KCTD16: variants seen among roughly 807,000 people sequenced by gnomAD.
KCTD16 encodes the protein BTB/POZ domain-containing protein KCTD16.
Under a neutral mutation model 33.2 loss-of-function variants are expected in KCTD16, and 13 were observed. The ratio of observed to expected loss-of-function variants is 0.39; its 90% CI spans 0.25 to 0.62. The LOEUF (loss-of-function observed/expected upper bound fraction) is 0.62. Ranked by LOEUF, KCTD16 falls within the 20% of genes least tolerant of loss-of-function variation. The pLI is 0.50. For missense variants in KCTD16, 441 were observed against 525.1 expected (o/e 0.84, Z 1.57); for synonymous variants, 197 against 195.3 (o/e 1.01, Z -0.07).
chr5:144,372,361 G>T (rs1751987769), intron 3 of KCTD16, among the ~76,000 whole-genome samples: 1 of 152,074 alleles, frequency 6.6e-6, no homozygotes, highest in Non-Finnish European at 1.5e-5. Context: ...AATTCATTTA[G>T]CAACAACTTA....
chr5:144,302,756 A>C (rs964611634), intron 3 of KCTD16, among the ~76,000 whole-genome samples: 1 of 152,244 alleles, frequency 6.6e-6, no homozygotes, highest in Non-Finnish European at 1.5e-5. Context: ...TCTAGTGTAT[A>C]GAATGTTTTC....
intron 3 of KCTD16, among the ~76,000 whole-genome samples, chr5:144,448,630 C>T (rs1198010431): frequency 1.3e-5 from 2 of 152,058 alleles, no homozygotes; most frequent in Non-Finnish European, 2.9e-5. Context: ...ATTAAAACAG[C>T]ATTAGAGACA....
At chr5:144,425,633 T>C (rs982891473) in intron 3 of KCTD16, among the ~76,000 whole-genome samples, 2 of 152,030 alleles carry the variant, frequency 1.3e-5, no homozygotes, top group Non-Finnish European at 2.9e-5. Flanking sequence ...ACCACATGGA[T>C]GTTGCCAAGA....
At chr5:144,284,556 A>G (rs1300799471) in intron 3 of KCTD16, among the ~76,000 whole-genome samples, 4 of 152,224 alleles carry the variant, frequency 2.6e-5, no homozygotes, top group South Asian at 2.1e-4. Flanking sequence ...TAGCACTGAC[A>G]TGTATAGTAA....
At chr5:144,439,210 C>T (rs946149930) in intron 3 of KCTD16, 2 of 199,528 alleles carry the variant, frequency 1.0e-5, no homozygotes, top group Non-Finnish European at 2.1e-5. Flanking sequence ...GCGATCATAT[C>T]GCATAAATAA....
chr5:144,425,427 A>G (rs116687382), intron 3 of KCTD16, among the ~76,000 whole-genome samples: 1 of 151,822 alleles, frequency 6.6e-6, no homozygotes, highest in African/African-American at 2.4e-5. Context: ...ACACTGGTGG[A>G]CCTAGAGTAC....
chr5:144,297,091 A>C lies in KCTD16; in HGVS notation c.832+89545A>C, dbSNP rs184421465. ...TAATAGGAATGGAAATGAGATTATAAGAGCCAATCTGGAAGATGCTATTAG... is the reference window on the plus strand; with the variant it reads ...TAATAGGAATGGAAATGAGATTATACGAGCCAATCTGGAAGATGCTATTAG... On this transcript the variant is annotated intron_variant, in intron 3 of 3. Coordinates refer to ENST00000512467, the MANE Select transcript of KCTD16 (RefSeq NM_020768.4). 4.4e-3 allele frequency among the ~76,000 whole-genome samples: 667 copies of C among 152,364 alleles called. 27 individuals are homozygous for C. Among genetic ancestry groups the C allele is most frequent in the Admixed American group, 0.04 (615 of 15,308 alleles).
chr5:144,357,375 A>C (rs537615489), intron 3 of KCTD16, among the ~76,000 whole-genome samples: 1 of 152,224 alleles, frequency 6.6e-6, no homozygotes, highest in East Asian at 1.9e-4. Context: ...ATTCCTGCTC[A>C]TCTGGGTGTT....
chr5:144,448,939 T>C (rs567399591), intron 3 of KCTD16, among the ~76,000 whole-genome samples: 1 of 152,166 alleles, frequency 6.6e-6, no homozygotes, highest in South Asian at 2.1e-4. Flanking sequence ...AATGACATCA[T>C]AGATTCATCT....
chr5:144,419,647 CT>C (rs1753164553), intron 3 of KCTD16, among the ~76,000 whole-genome samples: 1 of 152,126 alleles, frequency 6.6e-6, no homozygotes, highest in South Asian at 2.1e-4. Context: ...CACTTGATAC[CT>C]ATAGACCAGC....
intron 2 of KCTD16, among the ~76,000 whole-genome samples, chr5:144,185,472 C>A (rs6876129): frequency 0.21 from 32,619 of 151,970 alleles, 3,696 homozygotes; most frequent in East Asian, 0.41. Context: ...GAAAATGTTC[C>A]CAAATCACAT....
rs200508726 is a variant in KCTD16, at chr5:144,372,205, C to CTTT, written c.833-101444_833-101442dup. 1.6e-3 allele frequency among the ~76,000 whole-genome samples: 235 copies of CTTT among 142,524 alleles called. 1 individual carries two copies. Among genetic ancestry groups the CTTT allele is most frequent in the African/African-American group, 5.7e-3 (225 of 39,470 alleles). The allele number at this position is 142,524 out of a possible 152,430, so 93.5% of individuals were successfully genotyped here. A position where few individuals can be genotyped will look rare whatever the true frequency, so the allele number is the denominator to read the frequency against. ...AAATTTGTGTAACCCCTCTGTGCTT[C>CTTT]TTTTTTTTTTTTTGTCTACAAATGT... On this transcript the variant is annotated intron_variant, in intron 3 of 3. Transcript: ENST00000512467.
chr5:144,316,261 C>T (rs762086562), intron 3 of KCTD16, among the ~76,000 whole-genome samples: 1 of 152,076 alleles, frequency 6.6e-6, no homozygotes, highest in Non-Finnish European at 1.5e-5. Context: ...TGGGCATCTG[C>T]CTGGACTTCT....
At chr5:144,378,290 G>A (rs1199692538) in intron 3 of KCTD16, among the ~76,000 whole-genome samples, 1 of 152,148 alleles carries the variant, frequency 6.6e-6, no homozygotes, top group East Asian at 1.9e-4. Flanking sequence ...CAGACACAGA[G>A]ATGAAATTAG....
intron 3 of KCTD16, among the ~76,000 whole-genome samples, chr5:144,279,695 C>T (rs1755547895): frequency 6.6e-6 from 1 of 152,222 alleles, no homozygotes; most frequent in Non-Finnish European, 1.5e-5. Flanking sequence ...AACAAATCCA[C>T]TCTAGTGGTA....
intron 3 of KCTD16, among the ~76,000 whole-genome samples, chr5:144,432,250 A>G (rs1239224388): frequency 2.0e-5 from 3 of 152,146 alleles, no homozygotes. Context: ...CTAGAAGGAA[A>G]GTAAATGGGA....
At chr5:144,386,166 T>A (rs2042973) in intron 3 of KCTD16, among the ~76,000 whole-genome samples, 1 of 152,196 alleles carries the variant, frequency 6.6e-6, no homozygotes, top group African/African-American at 2.4e-5. Flanking sequence ...TCTTCTTTTC[T>A]ACAGAGCTCA....
chr5:144,272,089 G>A (rs1755314492), intron 3 of KCTD16, among the ~76,000 whole-genome samples: 1 of 152,040 alleles, frequency 6.6e-6, no homozygotes, highest in Non-Finnish European at 1.5e-5. Context: ...ATTACTCAAA[G>A]CAATCTATAG....
chr5:144,178,179 A>T (rs766154956), intron 2 of KCTD16, among the ~76,000 whole-genome samples: 9 of 152,210 alleles, frequency 5.9e-5, no homozygotes, highest in Non-Finnish European at 1.2e-4. Flanking sequence ...AAATGAGTAA[A>T]AGCCTGCTAA....
Sources: gnomAD v4.1 joint callset for allele counts (sites outside exome capture counted in the v4.1 genomes callset) on GRCh38, gnomAD v4.1.1 for gene constraint, MANE v1.5 for transcripts, NCBI Gene and HGNC (gene_info 2026-07-23, HGNC 2026-07-21) for gene names.